Variants in DZIP3 observed in about 807,000 individuals in gnomAD.
DZIP3 encodes DAZ interacting zinc finger protein 3.
DZIP3 carries 118 observed loss-of-function variants against 162.0 expected under a neutral mutation model. The ratio of observed to expected loss-of-function variants is 0.73; its 90% CI spans 0.63 to 0.85. The LOEUF is 0.85. Ranked by LOEUF, DZIP3 falls within the 40% of genes least tolerant of loss-of-function variation. The pLI, the probability that DZIP3 is intolerant of heterozygous loss-of-function variation, is 0.00. For synonymous variants in DZIP3, 438 were observed against 458.6 expected, an observed-to-expected ratio of 0.96 and a Z score of 0.57; for missense variants, 1,331 against 1,407.0, an observed-to-expected ratio of 0.95 and a Z score of 0.86.
chr3:108,654,286 G>A lies in DZIP3; in HGVS notation c.2175G>A (p.Leu725=), dbSNP rs781541212. ...MEDKFYSLDE[L]HILDMIEQGS... is the part of the protein sequence containing the mutation. ...ACAAGTTCTATAGCCTGGATGAATT[G>A]CATATTCTGGACATGATAGAGCAGG... The change falls in exon 19 of 33, where the codon TTG becomes TTA. Residue 725 remains leucine (L), a synonymous_variant. Coordinates refer to ENST00000361582, the MANE Select transcript of DZIP3 (RefSeq NM_014648.4). 3 of 1,613,666 alleles carry A rather than the reference G, an allele frequency of 1.9e-6. No homozygotes were observed. In the South Asian group the frequency reaches 3.3e-5, roughly 18 times the overall value.
chr3:108,643,146 T>C (rs1243315413), intron 13 of DZIP3, among the ~76,000 whole-genome samples: 2 of 152,164 alleles, frequency 1.3e-5, no homozygotes, highest in Non-Finnish European at 2.9e-5. Context: ...TCTTGAAACA[T>C]AGAATCTTGA....
rs774963437 is a variant in DZIP3 at position 108,674,047 on chromosome 3, A to G, written c.2590-31A>G. The G allele has an allele frequency of 5.8e-5, 88 of 1,516,388 alleles. 1 individual carries two copies. In the South Asian group the frequency reaches 9.1e-4, roughly 16 times the overall value. The allele number at this position is 1,516,388 out of a possible 1,614,324, so 93.9% of individuals were successfully genotyped here. On this transcript the variant is annotated intron_variant, in intron 23 of 32. Coordinates refer to ENST00000361582, the MANE Select transcript of DZIP3 (RefSeq NM_014648.4). ...ATGTTCCTTTACAAGCACACCTTCA[A>G]CTTCTTTCTCTTTCTCTCAAAAACC...
At chr3:108,646,716 T>TTG in intron 15 of DZIP3, 67 bp downstream of exon 15, 1 of 1,167,480 alleles carries the variant, frequency 8.6e-7, no homozygotes, top group Non-Finnish European at 1.2e-6. Context: ...AAATTTTTAT[T>TTG]TGTTCAGATA....
chr3:108,688,480 C>A, intron 29 of DZIP3, 113 bp from the exon 30 acceptor site: 2 of 1,196,000 alleles, frequency 1.7e-6, no homozygotes, highest in South Asian at 1.7e-5. Context: ...TCTCACAAAT[C>A]TGATTATTTA....
At chr3:108,672,684 G>A (rs778955884) in intron 23 of DZIP3, 28 bp downstream of exon 23, 1 of 1,567,210 alleles carries the variant, frequency 6.4e-7, no homozygotes, top group African/African-American at 1.4e-5. Flanking sequence ...ACAGGGGTAT[G>A]GGGTGAGGGG....
intron 22 of DZIP3, among the ~76,000 whole-genome samples, chr3:108,671,784 C>T (rs1943935392): frequency 6.6e-6 from 1 of 151,870 alleles, no homozygotes; most frequent in Non-Finnish European, 1.5e-5. Flanking sequence ...ACACAAAGTG[C>T]TTTATATTAT....
At chr3:108,630,032 G>A (rs1941762216) in intron 8 of DZIP3, among the ~76,000 whole-genome samples, 1 of 151,954 alleles carries the variant, frequency 6.6e-6, no homozygotes, top group African/African-American at 2.4e-5. Flanking sequence ...TGGAATTGTG[G>A]AGCAAGTGTT....
At chr3:108,650,394 C>A (rs142685276) in intron 17 of DZIP3, among the ~76,000 whole-genome samples, 37 of 151,796 alleles carry the variant, frequency 2.4e-4, no homozygotes, top group Non-Finnish European at 4.9e-4. Context: ...ACACAAAAAT[C>A]TTAGTATACA....
At chr3:108,618,634 G>A (rs1941146886) in intron 5 of DZIP3, among the ~76,000 whole-genome samples, 1 of 152,090 alleles carries the variant, frequency 6.6e-6, no homozygotes. Context: ...AGTCCATCAA[G>A]AACAAACACA....
intron 19 of DZIP3, among the ~76,000 whole-genome samples, chr3:108,661,600 C>T (rs1426928401): frequency 2.0e-5 from 3 of 152,048 alleles, no homozygotes; most frequent in African/African-American, 7.2e-5. Context: ...CAAACCTGCA[C>T]ATTGTGCACA....
At chr3:108,684,860 A>G (rs745611736) in intron 27 of DZIP3, among the ~76,000 whole-genome samples, 6 of 152,216 alleles carry the variant, frequency 3.9e-5, no homozygotes, top group Non-Finnish European at 8.8e-5. Flanking sequence ...AAATAGCCAG[A>G]TAAACTTTAT....
intron 22 of DZIP3, among the ~76,000 whole-genome samples, chr3:108,670,291 T>C (rs1483975821): frequency 6.6e-6 from 1 of 151,914 alleles, no homozygotes; most frequent in Non-Finnish European, 1.5e-5. Context: ...TAGATGTCAT[T>C]CCCTATTCTC....
rs549326121 is a variant in DZIP3, at chr3:108,640,313, CT to C, written c.1065-2124del. 1.5e-3 allele frequency among the ~76,000 whole-genome samples: 193 copies of C among 130,756 alleles called. 1 individual carries two copies. The Middle Eastern group carries it at 0.016, about 11-fold the overall frequency. The allele number at this position is 130,756 out of a possible 152,430, so 85.8% of individuals were successfully genotyped here. On this transcript the variant is annotated intron_variant, in intron 12 of 32. Coordinates refer to ENST00000361582, the MANE Select transcript of DZIP3 (RefSeq NM_014648.4). ...GTTACTCAGGGAATGTTGAAGTATA[CT>C]ATTCATTTTTTTTTTGTCTACTGTC...
At chr3:108,636,272 T>C (rs1236303704) in intron 10 of DZIP3, among the ~76,000 whole-genome samples, 1 of 151,968 alleles carries the variant, frequency 6.6e-6, no homozygotes, top group Admixed American at 6.6e-5. Context: ...ATTCTTTCCT[T>C]TTCCCTAGAA....
intron 8 of DZIP3, among the ~76,000 whole-genome samples, 187 bp from the exon 9 acceptor site, chr3:108,632,766 T>C (rs530129075): frequency 6.5e-4 from 99 of 152,314 alleles, no homozygotes; most frequent in Non-Finnish European, 1.3e-3. Flanking sequence ...ATTTAGGACC[T>C]TCCTATACAT....
chr3:108,635,351 G>A (rs201465727), intron 10 of DZIP3: 206 of 304,622 alleles, frequency 6.8e-4, no homozygotes, highest in Middle Eastern at 3.7e-3. Flanking sequence ...ACACAGAAAG[G>A]ATAATTATAC....
At chr3:108,686,800 TGA>T (rs956029927) in intron 28 of DZIP3, among the ~76,000 whole-genome samples, 11 of 152,274 alleles carry the variant, frequency 7.2e-5, no homozygotes, top group Non-Finnish European at 1.6e-4. Flanking sequence ...TCTTAAATCA[TGA>T]GAGAATAACT....
At chr3:108,649,789 A>G (rs1942783826) in intron 17 of DZIP3, among the ~76,000 whole-genome samples, 1 of 151,876 alleles carries the variant, frequency 6.6e-6, no homozygotes, top group Non-Finnish European at 1.5e-5. Flanking sequence ...AGATTTAAAA[A>G]AGAATTCATA....
At chr3:108,648,306 T>C in intron 16 of DZIP3, 194 bp downstream of exon 16, 2 of 469,180 alleles carry the variant, frequency 4.3e-6, no homozygotes, top group Non-Finnish European at 3.6e-6. Flanking sequence ...CCATAACCAT[T>C]TATTTTGCCA....
Sources: allele counts gnomAD v4.1 joint callset (sites outside exome capture counted in the v4.1 genomes callset), GRCh38; gene constraint gnomAD v4.1.1; transcripts MANE v1.5; gene names NCBI Gene and HGNC (gene_info 2026-07-23, HGNC 2026-07-21).